Variants in CPNE9 observed in about 807,000 individuals in gnomAD.
The protein encoded by CPNE9 is copine-9.
Under a neutral mutation model 83.0 loss-of-function variants are expected in CPNE9, and 59 were observed. That is an observed-to-expected ratio of 0.71 (90% CI 0.58 to 0.88). The LOEUF (loss-of-function observed/expected upper bound fraction) is 0.88. Among genes scored for constraint, CPNE9 ranks in the 40% least tolerant of loss-of-function variants. The pLI, the probability that CPNE9 is intolerant of heterozygous loss-of-function variation, is 0.00. For synonymous variants in CPNE9, 256 were observed against 273.4 expected, an observed-to-expected ratio of 0.94 and a Z score of 0.63; for missense variants, 619 against 720.8, an observed-to-expected ratio of 0.86 and a Z score of 1.62.
At chr3:9,708,580 G>A (rs2076586761) in intron 7 of CPNE9, among the ~76,000 whole-genome samples, 1 of 152,244 alleles carries the variant, frequency 6.6e-6, no homozygotes, top group South Asian at 2.1e-4. Context: ...TGACTCTTAA[G>A]CACAGTTTTG....
chr3:9,716,075 T>C, intron 14 of CPNE9, 40 bp downstream of exon 14: 1 of 1,549,576 alleles, frequency 6.5e-7, no homozygotes, highest in Non-Finnish European at 8.8e-7. Context: ...AGCCCGGCAA[T>C]AAATTACTCC....
chr3:9,727,503 A>G (rs527787335), intron 20 of CPNE9: 13 of 692,004 alleles, frequency 1.9e-5, no homozygotes, highest in Middle Eastern at 5.1e-4. Context: ...TGCCACTGTG[A>G]GAGCCTGTAA....
chr3:9,727,425 C>G (rs1414696160), intron 20 of CPNE9: 8 of 717,682 alleles, frequency 1.1e-5, no homozygotes, highest in Non-Finnish European at 1.8e-5. Flanking sequence ...TGGAGACAAC[C>G]AACAATAAAT....
Position 9,725,973 on chromosome 3 carries a change from C to T in CPNE9, c.1266C>T (p.Gly422=), listed in dbSNP as rs2076781007. The T allele has an allele frequency of 6.2e-7, 1 of 1,613,368 alleles. No individual in the cohort carries two copies. Among genetic ancestry groups the T allele is most frequent in the Admixed American group, 1.7e-5 (1 of 59,992 alleles). ...VARAAAKISD[G]SQYYVLLIIT... ...GGGCTGCAGCCAAGATCTCTGATGG[C>T]TCCCAGTACTATGTTCTGCTCATCA... The change falls in exon 18 of 21, where the codon GGC becomes GGT. Residue 422 remains glycine (G), a synonymous_variant. Transcript: ENST00000383832.
Position 9,718,565 on chromosome 3 carries a change from C to A in CPNE9, c.1204C>A (p.Pro402Thr). The change falls in exon 17 of 21, where the codon CCC becomes ACC. Residue 402 changes from proline to threonine, a missense_variant. Pro to Thr is a conservative substitution (Grantham distance 38). Coordinates refer to ENST00000383832, the MANE Select transcript of CPNE9 (RefSeq NM_153635.3). Reference protein sequence around the residue: ...QSLRTVQLYGPTYFAPVINQV... With the variant: ...QSLRTVQLYGTTYFAPVINQV... The stretch of plus-strand genomic sequence containing the variant: ...CCTGCGCACAGTGCAGCTCTATGGG[C>A]CCACCTACTTTGCTCCTGTCATCAA... 1.9e-6 allele frequency: 3 copies of A among 1,613,400 alleles called. No individual in the cohort carries two copies. The highest frequency in any genetic ancestry group is 2.5e-6 in the Non-Finnish European group (3 of 1,179,656).
intron 13 of CPNE9, 96 bp downstream of exon 13, chr3:9,715,622 G>A: frequency 9.6e-7 from 1 of 1,037,334 alleles, no homozygotes; most frequent in East Asian, 2.4e-5. Context: ...GCAAGACAGT[G>A]GGCACAGATT....
chr3:9,708,528 T>C lies in CPNE9; in HGVS notation c.377+2465T>C, dbSNP rs76184102. 7.9e-4 allele frequency among the ~76,000 whole-genome samples: 120 copies of C among 152,368 alleles called. 2 individuals are homozygous for C. In the East Asian group the frequency reaches 0.023, roughly 29 times the overall value. ...TGCTACAGCTCAAATAAGATGAAGA[T>C]TGGGAATTGGCCATTGCATTTAGCA... On this transcript the variant is annotated intron_variant, in intron 7 of 20. Transcript: ENST00000383832.
At chr3:9,719,653 ATAAGT>A (rs2076717389) in intron 17 of CPNE9, among the ~76,000 whole-genome samples, 1 of 152,170 alleles carries the variant, frequency 6.6e-6, no homozygotes, top group Non-Finnish European at 1.5e-5. Flanking sequence ...TCCATAAATG[ATAAGT>A]TAAAAACTAG....
At chr3:9,713,236 T>C (rs1668583617) in intron 10 of CPNE9, among the ~76,000 whole-genome samples, 157 bp downstream of exon 10, 1 of 152,192 alleles carries the variant, frequency 6.6e-6, no homozygotes, top group Non-Finnish European at 1.5e-5. Flanking sequence ...GACAGGCAGA[T>C]GGATAGCCAC....
intron 12 of CPNE9, 51 bp from the exon 13 acceptor site, chr3:9,715,422 T>G: frequency 6.2e-7 from 1 of 1,612,452 alleles, no homozygotes; most frequent in Non-Finnish European, 8.5e-7. Context: ...GTGCTCAGTC[T>G]GGACCTCCCT....
intron 17 of CPNE9, among the ~76,000 whole-genome samples, chr3:9,724,633 G>T (rs1177291628): frequency 6.6e-6 from 1 of 152,074 alleles, no homozygotes; most frequent in African/African-American, 2.4e-5. Flanking sequence ...TTCCTAGAAA[G>T]ATCCTCCTCT....
rs771200890 is a variant in CPNE9 at position 9,729,489 on chromosome 3, T to C, written c.1477-18T>C. 25 of 1,601,260 alleles carry C rather than the reference T, an allele frequency of 1.6e-5. No homozygotes were observed. The highest frequency in any genetic ancestry group is 1.9e-5 in the Non-Finnish European group (22 of 1,170,348). ...CTCCTGGTCATGGCTTATCTCTTCTTGTCTGTGCCTGACCCAGTTCGTCCC... is the reference window on the plus strand; with the variant it reads ...CTCCTGGTCATGGCTTATCTCTTCTCGTCTGTGCCTGACCCAGTTCGTCCC... On this transcript the variant is annotated intron_variant, in intron 20 of 20. Transcript: ENST00000383832.
At chr3:9,728,778 T>G (rs1299883263) in intron 20 of CPNE9, among the ~76,000 whole-genome samples, 1 of 151,872 alleles carries the variant, frequency 6.6e-6, no homozygotes, top group African/African-American at 2.4e-5. Context: ...TTTCTTCTCC[T>G]CTCCCTAAGT....
Position 9,704,967 on chromosome 3 carries a change from A to G in CPNE9, c.233A>G (p.Glu78Gly). The change falls in exon 4 of 21, where the codon GAG becomes GGG. Residue 78 changes from glutamate (E) to glycine (G), a missense_variant. Physicochemically the swap from Glu to Gly is moderately conservative, Grantham distance 98. This residue lies in a region of CPNE9 where 130 missense variants were observed against 117.5 expected (regional missense o/e 1.11). Coordinates refer to ENST00000383832, the MANE Select transcript of CPNE9 (RefSeq NM_153635.3). This position sits in a 1 kb window ranked among gnomAD's most constrained non-coding sequence, Gnocchi z 7.1. ...AAATTCGTCCTCGACTATTTCTTTG[A>G]GGAAAAGCAAAATCTGCGCTTCGAT... Reference protein sequence around the residue: ...VRKFVLDYFFEEKQNLRFDVY... With the variant: ...VRKFVLDYFFGEKQNLRFDVY... The G allele has an allele frequency of 1.9e-6, 3 of 1,612,846 alleles. No individual in the cohort carries two copies. Among genetic ancestry groups the G allele is most frequent in the Non-Finnish European group, 2.5e-6 (3 of 1,179,708 alleles).
chr3:9,712,922 G>T (rs1185546308), intron 9 of CPNE9, 53 bp from the exon 10 acceptor site: 3 of 1,576,022 alleles, frequency 1.9e-6, no homozygotes, highest in Non-Finnish European at 1.7e-6. Context: ...TCTGGATTCA[G>T]TCCTACCCCG....
At chr3:9,723,301 G>A (rs1016244869) in intron 17 of CPNE9, among the ~76,000 whole-genome samples, 10 of 152,046 alleles carry the variant, frequency 6.6e-5, no homozygotes, top group East Asian at 1.9e-4. Context: ...GTGAAACCCC[G>A]TCTCTACTAG....
rs1315777182 is a variant in CPNE9 at position 9,717,093 on chromosome 3, C to T, written c.920C>T (p.Thr307Met). Residue 307 changes from threonine to methionine, a missense_variant, in exon 15 of 21, where the codon ACG (threonine) becomes ATG (methionine). This residue lies in a region of CPNE9 where 438 missense variants were observed against 562.9 expected (regional missense o/e 0.78). Coordinates refer to ENST00000383832, the MANE Select transcript of CPNE9 (RefSeq NM_153635.3). ...QLNFTVAIDFTASNGNPLQPT... is the reference protein window; with the variant it reads ...QLNFTVAIDFMASNGNPLQPT... ...AACTTCACAGTAGCCATTGACTTCACGGCTTCCAATGGTGAGACACGGATG... is the reference window on the plus strand; with the variant it reads ...AACTTCACAGTAGCCATTGACTTCATGGCTTCCAATGGTGAGACACGGATG... 9.3e-6 allele frequency: 15 copies of T among 1,614,034 alleles called. No homozygotes were observed. The highest frequency in any genetic ancestry group is 1.6e-4 in the Middle Eastern group (1 of 6,084).
chr3:9,715,925 C>T, intron 13 of CPNE9, 49 bp from the exon 14 acceptor site: 2 of 1,558,816 alleles, frequency 1.3e-6, no homozygotes, highest in Non-Finnish European at 1.8e-6. Context: ...CCTTCTGCCA[C>T]CCCAACTGCC....
rs2076541086 is a variant in CPNE9 at position 9,704,602 on chromosome 3, T to C, written c.84T>C (p.Leu28=). The change falls in exon 2 of 21, where the codon CTT becomes CTC. Residue 28 remains leucine, a synonymous_variant. Coordinates refer to ENST00000383832, the MANE Select transcript of CPNE9 (RefSeq NM_153635.3). This position sits in a 1 kb window ranked among gnomAD's most constrained non-coding sequence, Gnocchi z 7.1. The part of the protein sequence containing the change: ...ITVSCRNLLD[L]DTFSKSDPMV... ...TTTTCTCTAGGAACCTGCTAGACCT[T>C]GATACCTTCTCCAAGTCCGACCCCA... 1.2e-6 allele frequency: 2 copies of C among 1,614,034 alleles called. No homozygotes were observed. The highest frequency in any genetic ancestry group is 1.3e-5 in the African/African-American group (1 of 75,052).
Sources: gnomAD v4.1 joint callset for allele counts (sites outside exome capture counted in the v4.1 genomes callset) on GRCh38, gnomAD v4.1.1 for gene constraint, gnomAD v4.1.1 regional missense constraint, Gnocchi (gnomAD v3.1) non-coding constraint, MANE v1.5 for transcripts, NCBI Gene and HGNC (gene_info 2026-07-23, HGNC 2026-07-21) for gene names.